Variants in EIF4E3 observed in about 807,000 individuals in gnomAD.
EIF4E3 encodes eukaryotic translation initiation factor 4E type 3.
Under a neutral mutation model 31.7 loss-of-function variants are expected in EIF4E3, and 26 were observed. That is an observed-to-expected ratio of 0.82 (90% CI 0.60 to 1.14). The LOEUF (loss-of-function observed/expected upper bound fraction) is 1.14, where lower values mean the gene tolerates loss of function less well. Among genes scored for constraint, EIF4E3 ranks in the 50% most tolerant of loss-of-function variants. The pLI is 0.00. For synonymous variants in EIF4E3, 128 were observed against 107.7 expected (o/e 1.19, Z -1.17); for missense variants, 304 against 270.9 (o/e 1.12, Z -0.86).
chr3:71,707,676 A>T (rs1345198672), intron 2 of EIF4E3, among the ~76,000 whole-genome samples: 3 of 152,026 alleles, frequency 2.0e-5, no homozygotes, highest in Admixed American at 6.6e-5. Flanking sequence ...TTAATACCAC[A>T]GAGACACCGT....
At chr3:71,660,328 G>A in the EIF4E3 span, among the ~76,000 whole-genome samples, 1 of 151,296 alleles carries the variant, frequency 6.6e-6, no homozygotes, top group Non-Finnish European at 1.5e-5. Context: ...AAAAAGTGAA[G>A]CTGAAAAAAA....
upstream of EIF4E3, chr3:71,728,632 A>G (rs1521353): frequency 0.18 from 27,696 of 152,776 alleles, 2,581 homozygotes; most frequent in East Asian, 0.32. Flanking sequence ...CCCTAGCAAC[A>G]AAAACAACAA....
chr3:71,737,958 G>A (rs2049780637), intron 1 of EIF4E3, among the ~76,000 whole-genome samples: 2 of 152,146 alleles, frequency 1.3e-5, no homozygotes, highest in Non-Finnish European at 2.9e-5. Context: ...CAGAAAGATG[G>A]AATAAGACAT....
At chr3:71,707,968 C>A (rs2049319247) in intron 2 of EIF4E3, among the ~76,000 whole-genome samples, 1 of 151,506 alleles carries the variant, frequency 6.6e-6, no homozygotes, top group Admixed American at 6.6e-5. Context: ...TCACTGCAAC[C>A]TCCACTTCCC....
chr3:71,737,741 C>A (rs2049777773), intron 1 of EIF4E3, among the ~76,000 whole-genome samples: 1 of 152,018 alleles, frequency 6.6e-6, no homozygotes, highest in African/African-American at 2.4e-5. Context: ...GCCTGGGTAG[C>A]ATAGCAAGAA....
Position 71,681,714 on chromosome 3 carries a change from C to T in EIF4E3, c.*2968G>A, listed in dbSNP as rs704297. On this transcript the variant is annotated 3_prime_UTR_variant, in exon 7 of 7. Transcript: ENST00000425534. ...CTACGTCTTTAACAAGGGACAAGTT[C>T]GGCCAAGGCTCAGTTGGTGGATTGT... is the stretch of plus-strand genomic sequence containing the variant. The T allele has an allele frequency of 0.23, 35,224 of 152,054 alleles. 5,134 individuals carry two copies. The highest frequency in any genetic ancestry group is 0.67 in the East Asian group (3,445 of 5,166). 9.4% of individuals were successfully genotyped at this position (152,054 alleles called of 1,614,324 possible).
At chr3:71,718,294 T>C (rs2049495148) in intron 1 of EIF4E3, among the ~76,000 whole-genome samples, 1 of 152,264 alleles carries the variant, frequency 6.6e-6, no homozygotes, top group Non-Finnish European at 1.5e-5. Flanking sequence ...GCTTCCTGTC[T>C]GATCAAGAGT....
At chr3:71,714,763 G>A (rs1337223605) in intron 1 of EIF4E3, among the ~76,000 whole-genome samples, 1 of 152,218 alleles carries the variant, frequency 6.6e-6, no homozygotes, top group African/African-American at 2.4e-5. Flanking sequence ...TTGAACTGCA[G>A]CTGTATCATC....
intron 2 of EIF4E3, among the ~76,000 whole-genome samples, chr3:71,704,906 T>G (rs2049268342): frequency 6.6e-6 from 1 of 152,232 alleles, no homozygotes; most frequent in Non-Finnish European, 1.5e-5. Context: ...CAATTTAACT[T>G]CAGTTATATT....
chr3:71,733,300 C>T (rs1309561130), intron 1 of EIF4E3, among the ~76,000 whole-genome samples: 3 of 152,142 alleles, frequency 2.0e-5, no homozygotes, highest in African/African-American at 4.8e-5. Context: ...GATAACTGCT[C>T]GCCTAGTGGG....
rs1314156618 is a variant in EIF4E3 at position 71,710,497 on chromosome 3, G to C, written c.177-13C>G. The C allele has an allele frequency of 6.4e-7, 1 of 1,551,898 alleles. No homozygotes were observed. Among genetic ancestry groups the C allele is most frequent in the Non-Finnish European group, 8.7e-7 (1 of 1,147,066 alleles). ...ACCAGGGAGGGATCTAGGCAAGCAG[G>C]AGCAGGACAAAGACACAAACAAAAC... On this transcript the variant is annotated splice_polypyrimidine_tract_variant and intron_variant, in intron 1 of 6. Transcript: ENST00000425534.
chr3:71,730,916 G>A (rs1420999155), intron 1 of EIF4E3, among the ~76,000 whole-genome samples: 1 of 152,030 alleles, frequency 6.6e-6, no homozygotes, highest in Non-Finnish European at 1.5e-5. Flanking sequence ...TAGAGACAGG[G>A]TTTCACCATG....
downstream of EIF4E3, among the ~76,000 whole-genome samples, chr3:71,671,891 T>C (rs771240877): frequency 6.6e-6 from 1 of 152,164 alleles, no homozygotes; most frequent in Non-Finnish European, 1.5e-5. Flanking sequence ...ACAGCAATTC[T>C]TCTAAATATA....
intron 1 of EIF4E3, among the ~76,000 whole-genome samples, chr3:71,734,895 G>T (rs1056478939): frequency 1.3e-5 from 2 of 152,060 alleles, no homozygotes; most frequent in African/African-American, 4.8e-5. Context: ...TTTTATTTTG[G>T]AGGTGAATTC....
At chr3:71,753,784 C>A (rs1220325110), upstream of EIF4E3, among the ~76,000 whole-genome samples, 2 of 148,402 alleles carry the variant, frequency 1.3e-5, no homozygotes, top group East Asian at 3.9e-4. Flanking sequence ...CGGACGGTGG[C>A]GAGGCCCTGT....
intron 2 of EIF4E3, among the ~76,000 whole-genome samples, chr3:71,710,054 CAGAGGCACAG>C (rs146590424): frequency 0.093 from 14,126 of 152,114 alleles, 1,502 homozygotes; most frequent in African/African-American, 0.26. Flanking sequence ...TGATGGGGAA[CAGAGGCACAG>C]AGAGGCACTG....
At chr3:71,733,512 T>A (rs78071530) in intron 1 of EIF4E3, among the ~76,000 whole-genome samples, 21,396 of 152,088 alleles carry the variant, frequency 0.14, 2,020 homozygotes, top group East Asian at 0.34. Flanking sequence ...GAAATCTTGA[T>A]ACAGAAAATA....
At position 71,676,690 on chromosome 3, in the gene EIF4E3, C is replaced by T. The variant is rs2048877162; in HGVS notation, c.*7992G>A. On this transcript the variant is annotated 3_prime_UTR_variant, in exon 7 of 7. Coordinates refer to ENST00000425534, the MANE Select transcript of EIF4E3 (RefSeq NM_001134651.2). ...TGTGGAACCACCCTTCTAGGGAACACTCTTTGAAAGCTGATGGACCTCTGT... is the reference window on the plus strand; with the variant it reads ...TGTGGAACCACCCTTCTAGGGAACATTCTTTGAAAGCTGATGGACCTCTGT... The T allele has an allele frequency of 6.6e-6, 1 of 151,640 alleles. No individual in the cohort carries two copies. The highest frequency in any genetic ancestry group is 1.9e-4 in the East Asian group (1 of 5,190). 9.4% of individuals were successfully genotyped at this position (151,640 alleles called of 1,614,324 possible).
At chr3:71,741,872 T>A (rs975791049) in intron 1 of EIF4E3, among the ~76,000 whole-genome samples, 18 of 152,102 alleles carry the variant, frequency 1.2e-4, no homozygotes, top group African/African-American at 4.3e-4. Flanking sequence ...TCTCTGGGAA[T>A]CCCCCAAATA....
Sources: allele counts gnomAD v4.1 joint callset (sites outside exome capture counted in the v4.1 genomes callset), GRCh38; gene constraint gnomAD v4.1.1; transcripts MANE v1.5; gene names NCBI Gene and HGNC (gene_info 2026-07-23, HGNC 2026-07-21).